The following CYP51A1 variants were observed in gnomAD, a reference collection of about 807,000 sequenced individuals.
The protein encoded by CYP51A1 is cytochrome P450 family 51 subfamily A member 1.
A neutral mutation model predicts 53.5 loss-of-function variants in CYP51A1; 45 were observed. That is an observed-to-expected ratio of 0.84 (90% CI 0.66 to 1.08). The LOEUF is 1.08. Among genes scored for constraint, CYP51A1 ranks in the 50% least tolerant of loss-of-function variants. CYP51A1 has a pLI of 0.00. For synonymous variants in CYP51A1, 181 were observed against 217.7 expected (o/e 0.83, Z 1.48); for missense variants, 462 against 621.7 (o/e 0.74, Z 2.73).
chr7:92,129,442 TCC>T (rs1819874735), intron 2 of CYP51A1, among the ~76,000 whole-genome samples: 2 of 152,158 alleles, frequency 1.3e-5, no homozygotes, highest in Admixed American at 1.3e-4. Context: ...ATAGACTTCT[TCC>T]CCCTTTGGTT....
intron 5 of CYP51A1, 84 bp downstream of exon 5, chr7:92,126,169 T>C: frequency 1.1e-6 from 1 of 942,262 alleles, no homozygotes; most frequent in South Asian, 2.7e-5. Context: ...GTTTAATTTT[T>C]ATCTTTGTTA....
chr7:92,116,050 T>C lies in CYP51A1; in HGVS notation c.1351+994A>G, dbSNP rs1819574520. On this transcript the variant is annotated intron_variant, in intron 9 of 9. Transcript: ENST00000003100. ...ACTGTGGGAGGCCAAGGTGGGCAGA[T>C]TGCTTCAAGCCTGGAATTCGAGACC... Among the ~76,000 whole-genome samples the C allele has an allele frequency of 2.0e-5, 3 of 152,212 alleles. No homozygotes were observed. In the South Asian group the frequency reaches 6.2e-4, roughly 32 times the overall value.
Position 92,117,912 on chromosome 7 carries a change from C to T in CYP51A1, c.1182+608G>A, listed in dbSNP as rs192995809. 1.7e-3 allele frequency among the ~76,000 whole-genome samples: 255 copies of T among 150,318 alleles called. 2 individuals are homozygous for T. The highest frequency in any genetic ancestry group is 5.9e-3 in the African/African-American group (243 of 41,014). On this transcript the variant is annotated intron_variant, in intron 8 of 9. Transcript: ENST00000003100. ...CTGAGGCAGAAGAATTGCTTGAACCCGGGAGGCGGAGGTTGCAGTGAGCTG... is the reference window on the plus strand; with the variant it reads ...CTGAGGCAGAAGAATTGCTTGAACCTGGGAGGCGGAGGTTGCAGTGAGCTG...
At chr7:92,128,751 A>G in intron 3 of CYP51A1, 129 bp downstream of exon 3, 1 of 810,678 alleles carries the variant, frequency 1.2e-6, no homozygotes, top group Non-Finnish European at 1.9e-6. Context: ...GGCCTCCCAA[A>G]GTGCTGGGAT....
At chr7:92,125,643 T>A (rs1049576457) in intron 5 of CYP51A1, among the ~76,000 whole-genome samples, 1 of 152,198 alleles carries the variant, frequency 6.6e-6, no homozygotes, top group Non-Finnish European at 1.5e-5. Context: ...AAGAGCTGTA[T>A]CACTTTTAGG....
chr7:92,123,702 T>A (rs761028209), intron 6 of CYP51A1, 32 bp downstream of exon 6: 1 of 1,565,896 alleles, frequency 6.4e-7, no homozygotes, highest in Non-Finnish European at 8.6e-7. Context: ...ATTTCCTGCT[T>A]CAGCTTAATA....
At chr7:92,124,088 T>C (rs1353817426) in intron 5 of CYP51A1, among the ~76,000 whole-genome samples, 1 of 152,204 alleles carries the variant, frequency 6.6e-6, no homozygotes, top group East Asian at 1.9e-4. Flanking sequence ...TTAACATATA[T>C]ATCCCAGATT....
rs1819998530 is a variant in CYP51A1, at chr7:92,134,357, G to A, written c.8C>T (p.Ala3Val). The A allele has an allele frequency of 1.9e-6, 3 of 1,579,430 alleles. No individual in the cohort carries two copies. Among genetic ancestry groups the A allele is most frequent in the Middle Eastern group, 1.7e-4 (1 of 5,918 alleles). Residue 3 changes from alanine to valine, a missense_variant, in exon 1 of 10, where the codon GCG becomes GTG. By Grantham distance (64) the Ala-to-Val change is moderately conservative (BLOSUM62 0). Coordinates refer to ENST00000003100, the MANE Select transcript of CYP51A1 (RefSeq NM_000786.4). MA[A>V]AAGMLLLGLL... ...GCCCAGCAGCAGCATCCCAGCCGCC[G>A]CCGCCATTCACTCCGTCGGAAACAC...
At chr7:92,131,681 G>C (rs1819922567) in intron 2 of CYP51A1, 93 bp downstream of exon 2, 12 of 670,196 alleles carry the variant, frequency 1.8e-5, no homozygotes, top group Non-Finnish European at 2.8e-5. Flanking sequence ...TGATTACAAT[G>C]TTTTTAAATG....
At chr7:92,124,940 A>C (rs575122855) in intron 5 of CYP51A1, among the ~76,000 whole-genome samples, 3 of 152,088 alleles carry the variant, frequency 2.0e-5, no homozygotes, top group African/African-American at 4.8e-5. Flanking sequence ...TCGGGAGATC[A>C]AGACCATCCT....
Position 92,113,488 on chromosome 7 carries a change from G to A in CYP51A1, c.*177C>T. ...ATAACTATTAGAAAATGTTTCAAAT[G>A]CTATTATATTTGATAGAACCATTCA... On this transcript the variant is annotated 3_prime_UTR_variant, in exon 10 of 10. Transcript: ENST00000003100. 3.5e-6 allele frequency: 2 copies of A among 564,434 alleles called. No homozygotes were observed. The highest frequency in any genetic ancestry group is 6.1e-6 in the Non-Finnish European group (2 of 328,902). 35.0% of individuals were successfully genotyped at this position (564,434 alleles called of 1,614,324 possible). A position where few individuals can be genotyped will look rare whatever the true frequency, so the allele number is the denominator to read the frequency against.
Position 92,134,262 on chromosome 7 carries a change from T to A in CYP51A1, c.103A>T (p.Met35Leu). Residue 35 changes from methionine to leucine, a missense_variant, in exon 1 of 10, where the codon ATG becomes TTG. Physicochemically the swap from Met to Leu is conservative, Grantham distance 15. Coordinates refer to ENST00000003100, the MANE Select transcript of CYP51A1 (RefSeq NM_000786.4). ...GTGAAGGCGCAGGCGATCAGCAGCATGGACAAGAGGTTGCCGCCTGTCACC... is the reference window on the plus strand; with the variant it reads ...GTGAAGGCGCAGGCGATCAGCAGCAAGGACAAGAGGTTGCCGCCTGTCACC... Reference protein sequence around the residue: ...EKVTGGNLLSMLLIACAFTLS... With the variant: ...EKVTGGNLLSLLLIACAFTLS... The A allele has an allele frequency of 6.2e-7, 1 of 1,613,340 alleles. No homozygotes were observed. The highest frequency in any genetic ancestry group is 8.5e-7 in the Non-Finnish European group (1 of 1,179,726).
rs372552273 is a variant in CYP51A1 at position 92,131,889 on chromosome 7, T to C, written c.193-17A>G. 6 of 1,407,604 alleles carry C rather than the reference T, an allele frequency of 4.3e-6. No individual in the cohort carries two copies. Among genetic ancestry groups the C allele is most frequent in the African/African-American group, 4.2e-5 (3 of 70,642 alleles). The allele number at this position is 1,407,604 out of a possible 1,614,324, so 87.2% of individuals were successfully genotyped here. A position where few individuals can be genotyped will look rare whatever the true frequency, so the allele number is the denominator to read the frequency against. The stretch of plus-strand genomic sequence containing the variant: ...AGGACTTTTCTACAAGAGAAAAAAA[T>C]AGTAAATTCAATTCGTGTTTCATTT... On this transcript the variant is annotated splice_polypyrimidine_tract_variant and intron_variant, in intron 1 of 9. Coordinates refer to ENST00000003100, the MANE Select transcript of CYP51A1 (RefSeq NM_000786.4).
At chr7:92,126,519 C>T in intron 4 of CYP51A1, 92 bp from the exon 5 acceptor site, 1 of 1,114,916 alleles carries the variant, frequency 9.0e-7, no homozygotes, top group Non-Finnish European at 1.3e-6. Flanking sequence ...GAAACAAGAT[C>T]CTATTCATAT....
intron 4 of CYP51A1, 62 bp downstream of exon 4, chr7:92,127,443 C>G: frequency 6.7e-7 from 1 of 1,494,288 alleles, no homozygotes; most frequent in Non-Finnish European, 9.1e-7. Context: ...CACATATATA[C>G]TCTACTTTTC....
At position 92,129,135 on chromosome 7, in the gene CYP51A1, T is replaced by C. The variant is rs908511900; in HGVS notation, c.292-79A>G. On this transcript the variant is annotated intron_variant, in intron 2 of 9. Transcript: ENST00000003100. ...ACAGTAACTTTTTAAAATCACAAAA[T>C]AATGCATTATTAAAAAAATAAAAAC... is the stretch of plus-strand genomic sequence containing the variant. The C allele has an allele frequency of 4.2e-5, 35 of 827,696 alleles. No homozygotes were observed. The Admixed American group carries it at 6.6e-4, about 16-fold the overall frequency. The allele number at this position is 827,696 out of a possible 1,614,324, so 51.3% of individuals were successfully genotyped here. A position where few individuals can be genotyped will look rare whatever the true frequency, so the allele number is the denominator to read the frequency against.
chr7:92,117,468 A>G, intron 8 of CYP51A1: 1 of 292,672 alleles, frequency 3.4e-6, no homozygotes, highest in South Asian at 6.6e-5. Flanking sequence ...ACTCAAGATG[A>G]TTTCCAGTGA....
At chr7:92,122,065 T>C (rs922815800) in intron 7 of CYP51A1, among the ~76,000 whole-genome samples, 1 of 152,032 alleles carries the variant, frequency 6.6e-6, no homozygotes, top group Non-Finnish European at 1.5e-5. Context: ...ATTATGAGAA[T>C]ACTATGAACA....
At chr7:92,118,052 G>C (rs1367373301) in intron 8 of CYP51A1, among the ~76,000 whole-genome samples, 1 of 151,134 alleles carries the variant, frequency 6.6e-6, no homozygotes, top group East Asian at 1.9e-4. Context: ...TGTTTTTAGA[G>C]TATATAAAAC....
Sources: allele counts gnomAD v4.1 joint callset (sites outside exome capture counted in the v4.1 genomes callset), GRCh38; gene constraint gnomAD v4.1.1; transcripts MANE v1.5; gene names NCBI Gene and HGNC (gene_info 2026-07-23, HGNC 2026-07-21).